DLGAP1: variants seen among roughly 807,000 people sequenced by gnomAD.
The protein encoded by DLGAP1 is disks large-associated protein 1.
A neutral mutation model predicts 90.8 loss-of-function variants in DLGAP1; 11 were observed. The ratio of observed to expected loss-of-function variants is 0.12; its 90% CI spans 0.08 to 0.20. The LOEUF is 0.20. DLGAP1 is among the 10% of genes least tolerant of loss of function. The pLI, the probability that DLGAP1 is intolerant of heterozygous loss-of-function variation, is 1.00. For synonymous variants in DLGAP1, 558 were observed against 540.7 expected (o/e 1.03, Z -0.44); for missense variants, 1,050 against 1,333.8 (o/e 0.79, Z 3.31).
intron 5 of DLGAP1, among the ~76,000 whole-genome samples, chr18:3,804,737 G>A (rs2066487555): frequency 6.6e-6 from 1 of 152,240 alleles, no homozygotes; most frequent in African/African-American, 2.4e-5. Context: ...TTTAGGCATA[G>A]AGGGATTGTG....
intron 7 of DLGAP1, among the ~76,000 whole-genome samples, chr18:3,663,239 T>C (rs115412798): frequency 0.012 from 1,847 of 151,682 alleles, 38 homozygotes; most frequent in African/African-American, 0.043. Context: ...CCATTGTACT[T>C]CAGCCTGGGC....
At chr18:3,987,955 G>A (rs530631979) in intron 3 of DLGAP1, among the ~76,000 whole-genome samples, 1 of 152,066 alleles carries the variant, frequency 6.6e-6, no homozygotes. Flanking sequence ...GGACCAGGGC[G>A]GGGGATGGTT....
At chr18:4,442,282 G>A (rs2083555512) in intron 1 of DLGAP1, among the ~76,000 whole-genome samples, 2 of 152,306 alleles carry the variant, frequency 1.3e-5, no homozygotes, top group Admixed American at 6.5e-5. Context: ...ACAGGCGTGA[G>A]CCACTTTGCC....
rs1278140415 is a variant in DLGAP1 at position 3,499,887 on chromosome 18, C to T, written c.2725-493G>A. On this transcript the variant is annotated intron_variant, in intron 12 of 12. Coordinates refer to ENST00000315677, the MANE Select transcript of DLGAP1 (RefSeq NM_004746.4). This position sits in a 1 kb window ranked among gnomAD's most constrained non-coding sequence, Gnocchi z 6.4. ...CGGCCCGCCCACCGTCCCCTTCCCA[C>T]CAAACCTAAATAAACAGAGGAGGAA... Among the ~76,000 whole-genome samples the T allele has an allele frequency of 6.6e-6, 1 of 152,162 alleles. No individual in the cohort carries two copies. Among genetic ancestry groups the T allele is most frequent in the African/African-American group, 2.4e-5 (1 of 41,428 alleles).
At chr18:4,141,797 A>G (rs114459647) in intron 2 of DLGAP1, among the ~76,000 whole-genome samples, 3,994 of 151,938 alleles carry the variant, frequency 0.026, 109 homozygotes, top group African/African-American at 0.073. Flanking sequence ...TTTCAACTCC[A>G]GAATTTCTGT....
chr18:3,565,106 T>G lies in DLGAP1; in HGVS notation c.2057+2384A>C, dbSNP rs191277823. Among the ~76,000 whole-genome samples, 9 of 152,280 alleles carry G rather than the reference T, an allele frequency of 5.9e-5. No homozygotes were observed. In the East Asian group the frequency reaches 1.2e-3, roughly 20 times the overall value. On this transcript the variant is annotated intron_variant, in intron 9 of 12. Coordinates refer to ENST00000315677, the MANE Select transcript of DLGAP1 (RefSeq NM_004746.4). This position sits in a 1 kb window ranked among gnomAD's most constrained non-coding sequence, Gnocchi z 4.0. The stretch of plus-strand genomic sequence containing the variant: ...GTCTGTGCTGTCAACCACTACATCG[T>G]TGAGAAAAGGCACCAAGCTGGGCTG...
chr18:3,527,559 T>C (rs112705319), intron 10 of DLGAP1, among the ~76,000 whole-genome samples: 12,670 of 151,806 alleles, frequency 0.083, 1,152 homozygotes, highest in African/African-American at 0.23. Context: ...GAGTTTTTGT[T>C]TTTTTAGTTT....
At chr18:3,546,944 C>T (rs2053064231) in intron 9 of DLGAP1, among the ~76,000 whole-genome samples, 1 of 150,882 alleles carries the variant, frequency 6.6e-6, no homozygotes, top group South Asian at 2.1e-4. Context: ...TTTTCAAAAG[C>T]TAATAAAATT....
At chr18:4,198,846 C>T (rs1430006879) in intron 1 of DLGAP1, among the ~76,000 whole-genome samples, 1 of 152,126 alleles carries the variant, frequency 6.6e-6, no homozygotes, top group Non-Finnish European at 1.5e-5. Context: ...CACTATAATC[C>T]TTTTAACAAT....
chr18:4,176,606 C>T (rs1471317084), intron 1 of DLGAP1, among the ~76,000 whole-genome samples: 1 of 152,200 alleles, frequency 6.6e-6, no homozygotes, highest in African/African-American at 2.4e-5. Context: ...AGTCTCCTTT[C>T]CCCTCCTTCC....
At chr18:3,840,721 G>A (rs540416255) in intron 4 of DLGAP1, among the ~76,000 whole-genome samples, 8 of 152,272 alleles carry the variant, frequency 5.3e-5, no homozygotes, top group South Asian at 2.1e-4. Context: ...TCTGTGCCAG[G>A]CATTATTTTA....
chr18:4,301,324 C>G (rs1275058203), intron 1 of DLGAP1, among the ~76,000 whole-genome samples: 2 of 152,194 alleles, frequency 1.3e-5, no homozygotes, highest in African/African-American at 4.8e-5. Flanking sequence ...AACCATCATT[C>G]CACTCTCTAC....
chr18:3,758,102 A>G (rs2063793728), intron 5 of DLGAP1, among the ~76,000 whole-genome samples: 1 of 145,092 alleles, frequency 6.9e-6, no homozygotes, highest in Admixed American at 6.9e-5. Flanking sequence ...GCGAGACTCT[A>G]TCTTGAGAAA....
chr18:3,720,204 C>G (rs1212156061), intron 7 of DLGAP1, among the ~76,000 whole-genome samples: 1 of 152,084 alleles, frequency 6.6e-6, no homozygotes, highest in Non-Finnish European at 1.5e-5. Context: ...TTATCTTCTT[C>G]CATAAGTTTA....
intron 7 of DLGAP1, among the ~76,000 whole-genome samples, chr18:3,645,256 C>T (rs1159705204): frequency 6.6e-6 from 1 of 152,086 alleles, no homozygotes; most frequent in Admixed American, 6.5e-5. Flanking sequence ...CCACACCTGG[C>T]TAATTTTTGT....
At chr18:3,800,507 T>C (rs1164865990) in intron 5 of DLGAP1, among the ~76,000 whole-genome samples, 1 of 152,216 alleles carries the variant, frequency 6.6e-6, no homozygotes, top group Non-Finnish European at 1.5e-5. Context: ...GTTTAAGACC[T>C]AATTTCAAGT....
chr18:3,818,486 A>G (rs1568185893), intron 4 of DLGAP1, among the ~76,000 whole-genome samples: 2 of 149,536 alleles, frequency 1.3e-5, no homozygotes, highest in South Asian at 4.2e-4. Context: ...CAGCTTCTTG[A>G]GTAGCTAGAA....
At chr18:4,173,697 T>C (rs1023594607) in intron 1 of DLGAP1, among the ~76,000 whole-genome samples, 2 of 152,168 alleles carry the variant, frequency 1.3e-5, no homozygotes, top group Non-Finnish European at 2.9e-5. Flanking sequence ...GAAATGCACA[T>C]ATGAATCCAG....
At chr18:3,679,634 G>GT in intron 7 of DLGAP1, among the ~76,000 whole-genome samples, 1 of 149,514 alleles carries the variant, frequency 6.7e-6, no homozygotes, top group East Asian at 2.0e-4. Flanking sequence ...CTCCGTGGTA[G>GT]TTTGGCTCTA....
Sources: gnomAD v4.1 joint callset for allele counts (sites outside exome capture counted in the v4.1 genomes callset) on GRCh38, gnomAD v4.1.1 for gene constraint, Gnocchi (gnomAD v3.1) non-coding constraint, MANE v1.5 for transcripts, NCBI Gene and HGNC (gene_info 2026-07-23, HGNC 2026-07-21) for gene names.